The following CEMIP2 variants were observed in gnomAD, a reference collection of about 807,000 sequenced individuals.
The protein encoded by CEMIP2 is cell surface hyaluronidase CEMIP2.
Under a neutral mutation model 146.9 loss-of-function variants are expected in CEMIP2, and 79 were observed. The ratio of observed to expected loss-of-function variants is 0.54; its 90% CI spans 0.45 to 0.65. CEMIP2 has a LOEUF of 0.65. Among genes scored for constraint, CEMIP2 ranks in the 30% least tolerant of loss-of-function variants. CEMIP2 has a pLI of 0.00. For synonymous variants in CEMIP2, 601 were observed against 606.3 expected (o/e 0.99, Z 0.13); for missense variants, 1,596 against 1,696.2 (o/e 0.94, Z 1.04).
chr9:71,696,390 G>A (rs1211231127), intron 20 of CEMIP2, among the ~76,000 whole-genome samples: 1 of 151,542 alleles, frequency 6.6e-6, no homozygotes, highest in East Asian at 1.9e-4. Context: ...TTCTCTGGTT[G>A]GTTGATTTTT....
rs1822689233 is a variant in CEMIP2 at position 71,704,851 on chromosome 9, C to T, written c.2986-48G>A. On this transcript the variant is annotated intron_variant, in intron 17 of 23. Transcript: ENST00000377044. ...AAAGGGAAGAGAATGAAAATTTAAA[C>T]AGCTAAAAAGACATTTTCAGCACAA... The T allele has an allele frequency of 3.8e-6, 6 of 1,573,472 alleles. No individual in the cohort carries two copies. The East Asian group carries it at 1.3e-4, about 35-fold the overall frequency.
chr9:71,703,753 T>A (rs1275319255), intron 18 of CEMIP2, among the ~76,000 whole-genome samples: 3 of 152,110 alleles, frequency 2.0e-5, no homozygotes, highest in African/African-American at 7.2e-5. Context: ...TATGTCCCCA[T>A]CACACTGACT....
intron 22 of CEMIP2, chr9:71,687,199 C>G (rs1822088648): frequency 6.6e-6 from 1 of 152,144 alleles, no homozygotes; most frequent in Non-Finnish European, 1.5e-5. Flanking sequence ...ACTACAGTAT[C>G]AACTGTCAAG....
intron 18 of CEMIP2, among the ~76,000 whole-genome samples, chr9:71,701,175 A>C (rs1046917883): frequency 1.2e-4 from 18 of 152,218 alleles, no homozygotes; most frequent in Admixed American, 1.2e-3. Flanking sequence ...GCGCGATCTC[A>C]GCTCACTGTG....
At chr9:71,765,259 T>C (rs1824755448) in intron 1 of CEMIP2, among the ~76,000 whole-genome samples, 1 of 152,240 alleles carries the variant, frequency 6.6e-6, no homozygotes, top group Admixed American at 6.5e-5. Flanking sequence ...AGCTGAGACC[T>C]GATTAAGCTA....
chr9:71,763,218 C>A (rs1025971038), intron 1 of CEMIP2, among the ~76,000 whole-genome samples: 1 of 152,048 alleles, frequency 6.6e-6, no homozygotes, highest in African/African-American at 2.4e-5. Context: ...ATGATTCATT[C>A]TTCAGGGAAG....
chr9:71,720,487 T>A (rs1823203068), intron 12 of CEMIP2, among the ~76,000 whole-genome samples: 1 of 152,206 alleles, frequency 6.6e-6, no homozygotes, highest in Non-Finnish European at 1.5e-5. Flanking sequence ...AGATGGGGCT[T>A]CACCGTGTTG....
chr9:71,725,232 T>C (rs1215820281), intron 11 of CEMIP2, among the ~76,000 whole-genome samples: 1 of 152,138 alleles, frequency 6.6e-6, no homozygotes, highest in South Asian at 2.1e-4. Flanking sequence ...TATTGGGAGG[T>C]AGAGCCTAAT....
intron 5 of CEMIP2, 80 bp from the exon 6 acceptor site, chr9:71,735,074 G>C (rs1823726220): frequency 1.4e-6 from 2 of 1,464,564 alleles, no homozygotes; most frequent in African/African-American, 1.4e-5. Context: ...CCCTCACACT[G>C]ATTCACAAAT....
In CEMIP2 at chr9:71,732,686, A is replaced by ATTTTTT. The variant is rs59985618; in HGVS notation, c.1394-172_1394-167dup. On this transcript the variant is annotated intron_variant, in intron 6 of 23. Coordinates refer to ENST00000377044, the MANE Select transcript of CEMIP2 (RefSeq NM_013390.3). ...GAATCAGAATCCCAGGACACGGGGAATTTTTTTTTTTTTTTTTTTTTTTTT... is the reference window on the plus strand; with the variant it reads ...GAATCAGAATCCCAGGACACGGGGAATTTTTTTTTTTTTTTTTTTTTTTTTTTTTTT... Among the ~76,000 whole-genome samples, 15 of 75,878 alleles carry ATTTTTT rather than the reference A, an allele frequency of 2.0e-4. 3 individuals carry two copies. Among genetic ancestry groups the ATTTTTT allele is most frequent in the East Asian group, 8.8e-4 (2 of 2,280 alleles). The allele number at this position is 75,878 out of a possible 152,430, so 49.8% of individuals were successfully genotyped here.
rs772530912 is a variant in CEMIP2, at chr9:71,685,216, T to C, written c.4133A>G (p.Gln1378Arg). ...VRRRDLELLK[Q>R]ASKAH ...TAGTCTCTAATGTGCTTTTGAAGCT[T>C]GCTTTAGCAGTTCCAGGTCTCTTCT... The change falls in exon 24 of 24, where the codon CAA becomes CGA. Residue 1378 changes from glutamine to arginine, a missense_variant. Transcript: ENST00000377044. 1.9e-6 allele frequency: 3 copies of C among 1,609,422 alleles called. No individual in the cohort carries two copies. In the Admixed American group the frequency reaches 5.1e-5, roughly 27 times the overall value.
In CEMIP2 at chr9:71,702,397, G is replaced by A. The variant is rs375116289; in HGVS notation, c.3195-1573C>T. Among the ~76,000 whole-genome samples the A allele has an allele frequency of 2.8e-5, 4 of 144,988 alleles. 1 individual carries two copies. The highest frequency in any genetic ancestry group is 1.6e-5 in the Non-Finnish European group (1 of 63,660). ...ATTATTGTCTATAATAGCAAAATGCGGGGGGGCGGGCAGGAGAAACAACCT... is the reference window on the plus strand; with the variant it reads ...ATTATTGTCTATAATAGCAAAATGCAGGGGGGCGGGCAGGAGAAACAACCT... On this transcript the variant is annotated intron_variant, in intron 18 of 23. Transcript: ENST00000377044.
chr9:71,710,717 G>A (rs1564003473), intron 16 of CEMIP2, among the ~76,000 whole-genome samples: 1 of 152,120 alleles, frequency 6.6e-6, no homozygotes, highest in Non-Finnish European at 1.5e-5. Flanking sequence ...AGGTCCACAT[G>A]GGCAGTAAGG....
rs771902134 is a variant in CEMIP2 at position 71,750,268 on chromosome 9, G to C, written c.106C>G (p.Arg36Gly). 1.3e-5 allele frequency: 21 copies of C among 1,613,764 alleles called. No individual in the cohort carries two copies. The Admixed American group carries it at 2.0e-4, about 15-fold the overall frequency. Residue 36 changes from arginine to glycine, a missense_variant, in exon 2 of 24, where the codon CGT becomes GGT. Transcript: ENST00000377044. The stretch of plus-strand genomic sequence containing the variant: ...TGACTCTTTGGAGGAGGAGGGGGAC[G>C]CAATGGGACAACCTTCCCTGGAACA... ...GYVPGKVVPL[R>G]PPPPPKSQAS...
In CEMIP2 at chr9:71,712,181, T is replaced by A; in HGVS notation, c.2671A>T (p.Thr891Ser). The change falls in exon 16 of 24, where the codon ACT (threonine) becomes TCT (serine). Residue 891 changes from threonine (T) to serine (S), a missense_variant. Coordinates refer to ENST00000377044, the MANE Select transcript of CEMIP2 (RefSeq NM_013390.3). ...ATTGCACTGCTGTACCTATCTGGAGTTGGCACATATTTTTTGAAAGTGCTC... is the reference window on the plus strand; with the variant it reads ...ATTGCACTGCTGTACCTATCTGGAGATGGCACATATTTTTTGAAAGTGCTC... ...TRSTFKKYVPTPDRYSSAIGF... is the reference protein window; with the variant it reads ...TRSTFKKYVPSPDRYSSAIGF... The A allele has an allele frequency of 6.2e-7, 1 of 1,614,170 alleles. No individual in the cohort carries two copies. The highest frequency in any genetic ancestry group is 1.1e-5 in the South Asian group (1 of 91,070).
rs1404675381 is a variant in CEMIP2, at chr9:71,706,328, T to C, written c.2986-1525A>G. 2.6e-5 allele frequency among the ~76,000 whole-genome samples: 4 copies of C among 152,004 alleles called. No homozygotes were observed. In the East Asian group the frequency reaches 7.7e-4, roughly 29 times the overall value. ...CTATCTTGAGATCCAATTGCTCCCA[T>C]TTTTGGCATACTACATCATTTCTAA... On this transcript the variant is annotated intron_variant, in intron 17 of 23. Transcript: ENST00000377044.
rs531086944 is a variant in CEMIP2, at chr9:71,699,914, G to A, written c.3377+728C>T. On this transcript the variant is annotated intron_variant, in intron 19 of 23. Transcript: ENST00000377044. Reference sequence around the variant, plus strand: ...AGCATTCAACCTTTCCTTCTCTAATGACTTGATTTACATGCCCACATTCCT... The same window carrying A: ...AGCATTCAACCTTTCCTTCTCTAATAACTTGATTTACATGCCCACATTCCT... Among the ~76,000 whole-genome samples the A allele has an allele frequency of 9.7e-4, 148 of 152,276 alleles. 2 individuals carry two copies. In the South Asian group the frequency reaches 0.018, roughly 19 times the overall value.
At chr9:71,756,112 A>G (rs941259178) in intron 1 of CEMIP2, among the ~76,000 whole-genome samples, 2 of 151,128 alleles carry the variant, frequency 1.3e-5, no homozygotes, top group Non-Finnish European at 2.9e-5. Context: ...AAAAGCTTAC[A>G]TACAACATAC....
In CEMIP2 at chr9:71,685,205, C is replaced by G. The variant is rs774951255; in HGVS notation, c.4144G>C (p.Ala1382Pro). The G allele has an allele frequency of 6.2e-7, 1 of 1,607,576 alleles. No homozygotes were observed. The highest frequency in any genetic ancestry group is 8.5e-7 in the Non-Finnish European group (1 of 1,177,724). ...DLELLKQASKAH is the reference protein window; with the variant it reads ...DLELLKQASKPH ...TAAGTTACAGTTAGTCTCTAATGTG[C>G]TTTTGAAGCTTGCTTTAGCAGTTCC... Residue 1382 changes from alanine to proline, a missense_variant, in exon 24 of 24, where the codon GCA becomes CCA. Physicochemically the swap from Ala to Pro is conservative, Grantham distance 27. Coordinates refer to ENST00000377044, the MANE Select transcript of CEMIP2 (RefSeq NM_013390.3).
Sources: gnomAD v4.1 joint callset for allele counts (sites outside exome capture counted in the v4.1 genomes callset) on GRCh38, gnomAD v4.1.1 for gene constraint, MANE v1.5 for transcripts, NCBI Gene and HGNC (gene_info 2026-07-23, HGNC 2026-07-21) for gene names.